Variants in CPAMD8 observed in about 807,000 individuals in gnomAD.
CPAMD8 encodes C3 and PZP-like alpha-2-macroglobulin domain-containing protein 8.
A neutral mutation model predicts 224.7 loss-of-function variants in CPAMD8; 146 were observed. The ratio of observed to expected loss-of-function variants is 0.65; its 90% CI spans 0.57 to 0.75. CPAMD8 has a LOEUF of 0.75. CPAMD8 is among the 30% of genes least tolerant of loss of function. The pLI is 0.00. For synonymous variants in CPAMD8, 966 were observed against 1,044.6 expected, an observed-to-expected ratio of 0.92 and a Z score of 1.45; for missense variants, 2,301 against 2,537.5, an observed-to-expected ratio of 0.91 and a Z score of 2.00.
rs757302875 is a variant in CPAMD8, at chr19:16,989,759, C to G, written c.1279G>C (p.Ala427Pro). Residue 427 changes from alanine to proline, a missense_variant, in exon 13 of 42, where the codon GCA becomes CCA. Transcript: ENST00000443236. ...GCCCCCACAGGCTTCCCGTTCAGTG[C>G]CATCACCTTGGTCTGAGAAGAGAAG... ...QHVWLETKVM[A>P]LNGKPVGAQY... The G allele has an allele frequency of 6.2e-7, 1 of 1,613,934 alleles. No individual in the cohort carries two copies. The highest frequency in any genetic ancestry group is 1.7e-5 in the Admixed American group (1 of 59,996).
chr19:17,022,913 C>G (rs1444284420), intron 1 of CPAMD8, among the ~76,000 whole-genome samples: 3 of 152,094 alleles, frequency 2.0e-5, no homozygotes, highest in South Asian at 2.1e-4. Flanking sequence ...CGTCCCCCAC[C>G]ACCGTGAGAA....
Position 16,980,616 on chromosome 19 carries a change from G to A in CPAMD8, c.1466C>T (p.Ala489Val). 1 of 1,609,176 alleles carries A rather than the reference G, an allele frequency of 6.2e-7. No homozygotes were observed. The highest frequency in any genetic ancestry group is 1.1e-5 in the South Asian group (1 of 90,460). Residue 489 changes from alanine to valine, a missense_variant, in exon 14 of 42, where the codon GCT (alanine) becomes GTT (valine). By Grantham distance (64) the Ala-to-Val change is moderately conservative (BLOSUM62 0). This residue lies in a region of CPAMD8 where 301 missense variants were observed against 406.6 expected (regional missense o/e 0.74). Coordinates refer to ENST00000443236, the MANE Select transcript of CPAMD8 (RefSeq NM_015692.5). Reference sequence around the variant, plus strand: ...CGATAGCACAATATTGCCCCGTGCAGCCACCTCGTAGTACAGGGTAAAGTT... The same window carrying A: ...CGATAGCACAATATTGCCCCGTGCAACCACCTCGTAGTACAGGGTAAAGTT... ...PCNFTLYYEV[A>V]ARGNIVLSGQ...
chr19:17,007,623 CTGTT>C (rs2056529408), intron 7 of CPAMD8, among the ~76,000 whole-genome samples: 1 of 151,966 alleles, frequency 6.6e-6, no homozygotes. Flanking sequence ...TGTGGCTCTA[CTGTT>C]ACCCCATTTC....
chr19:17,003,302 G>A (rs973083994), intron 8 of CPAMD8, among the ~76,000 whole-genome samples: 1 of 151,952 alleles, frequency 6.6e-6, no homozygotes, highest in African/African-American at 2.4e-5. Context: ...CTGGGCTCAA[G>A]CAATCCTCCC....
intron 10 of CPAMD8, among the ~76,000 whole-genome samples, chr19:16,999,597 A>AG (rs139699229): frequency 3.4e-5 from 3 of 88,582 alleles, no homozygotes; most frequent in African/African-American, 1.8e-4. Flanking sequence ...AAAAAAAAAA[A>AG]AAAGAAAAGA....
At chr19:16,922,053 T>C (rs1346530709) in intron 26 of CPAMD8, 67 bp from the exon 27 acceptor site, 1 of 1,085,512 alleles carries the variant, frequency 9.2e-7, no homozygotes, top group South Asian at 1.4e-5. Context: ...CCCAGGGACC[T>C]ACACCACTCT....
chr19:17,019,659 G>A (rs2056901244), intron 3 of CPAMD8, among the ~76,000 whole-genome samples: 1 of 151,742 alleles, frequency 6.6e-6, no homozygotes, highest in Non-Finnish European at 1.5e-5. Flanking sequence ...AGTCTCAAGC[G>A]ATCCTCCTAC....
At chr19:17,002,091 G>T (rs1004809562) in intron 9 of CPAMD8, among the ~76,000 whole-genome samples, 175 bp downstream of exon 9, 3 of 150,656 alleles carry the variant, frequency 2.0e-5, no homozygotes, top group Non-Finnish European at 4.4e-5. Flanking sequence ...CACAGGAAGG[G>T]AGATGCACTA....
At chr19:16,973,187 GA>G (rs2055126432) in intron 17 of CPAMD8, among the ~76,000 whole-genome samples, 2 of 152,016 alleles carry the variant, frequency 1.3e-5, no homozygotes, top group Non-Finnish European at 2.9e-5. Context: ...AAAAATAAGA[GA>G]TTTTTTTGTT....
Position 16,914,700 on chromosome 19 carries a change from CCA to C in CPAMD8, c.3741_3742del (p.Asp1247GlufsTer47). Reference sequence around the variant, plus strand: ...GACCCTGCCCACGGCCAGGAAGGAGCCATCGGCCTGCTGCTGCTGGATGATCC... The same window carrying C: ...GACCCTGCCCACGGCCAGGAAGGAGCTCGGCCTGCTGCTGCTGGATGATCC... On this transcript the variant is annotated frameshift_variant, in exon 28 of 42. Coordinates refer to ENST00000443236, the MANE Select transcript of CPAMD8 (RefSeq NM_015692.5). LOFTEE classifies it high-confidence loss of function. 6.2e-7 allele frequency: 1 copy of C among 1,614,134 alleles called. No homozygotes were observed. The highest frequency in any genetic ancestry group is 8.5e-7 in the Non-Finnish European group (1 of 1,179,984).
At chr19:16,990,248 G>A (rs746951808) in intron 12 of CPAMD8, among the ~76,000 whole-genome samples, 11 of 151,176 alleles carry the variant, frequency 7.3e-5, no homozygotes, top group Non-Finnish European at 1.5e-4. Flanking sequence ...GCAAGACTCT[G>A]ACTCAAAAAA....
intron 32 of CPAMD8, 50 bp downstream of exon 32, chr19:16,904,176 A>AGGCCCCCC: frequency 1.7e-5 from 16 of 937,330 alleles, no homozygotes; most frequent in Non-Finnish European, 2.7e-5. Flanking sequence ...GACTGCAGGG[A>AGGCCCCCC]CCCCACCCAC....
chr19:16,929,323 C>T (rs2053477046), intron 23 of CPAMD8, 83 bp from the exon 24 acceptor site: 1 of 1,166,114 alleles, frequency 8.6e-7, no homozygotes, highest in East Asian at 2.4e-5. Context: ...AGGTGAGCAC[C>T]AGGACCACAA....
rs1316383397 is a variant in CPAMD8 at position 16,899,612 on chromosome 19, G to A, written c.4774-63C>T. On this transcript the variant is annotated intron_variant, in intron 36 of 41. Transcript: ENST00000443236. The surrounding 1 kb of genome is among the most constrained non-coding windows in gnomAD (Gnocchi z 5.4). ...CTACTTGCTTCCTCTCCCATCCCCT[G>A]GGGGCAGTGGTCAGTGGGATGCTTG... The A allele has an allele frequency of 1.2e-6, 1 of 823,122 alleles. No individual in the cohort carries two copies. Among genetic ancestry groups the A allele is most frequent in the African/African-American group, 1.7e-5 (1 of 59,976 alleles). 51.0% of individuals were successfully genotyped at this position (823,122 alleles called of 1,614,324 possible). A position where few individuals can be genotyped will look rare whatever the true frequency, so the allele number is the denominator to read the frequency against.
At chr19:17,017,425 T>C (rs1437224165) in intron 3 of CPAMD8, among the ~76,000 whole-genome samples, 1 of 152,188 alleles carries the variant, frequency 6.6e-6, no homozygotes, top group Non-Finnish European at 1.5e-5. Context: ...TGGAAAAAAC[T>C]GTCTTCCATG....
rs745916640 is a variant in CPAMD8 at position 16,984,686 on chromosome 19, C to T, written c.1396-4000G>A. Among the ~76,000 whole-genome samples the T allele has an allele frequency of 4.6e-4, 70 of 152,252 alleles. 1 individual carries two copies. In the Middle Eastern group the frequency reaches 0.014, roughly 30 times the overall value. On this transcript the variant is annotated intron_variant, in intron 13 of 41. Transcript: ENST00000443236. ...ATCCAGAATTTAGAAAGAACTTTCA[C>T]GACTCAACAAAGATAAACAACCCAA... is the stretch of plus-strand genomic sequence containing the variant.
intron 20 of CPAMD8, among the ~76,000 whole-genome samples, chr19:16,950,020 A>G (rs60558449): frequency 0.24 from 36,817 of 152,144 alleles, 4,623 homozygotes; most frequent in African/African-American, 0.28. Flanking sequence ...GAAGGTGGCC[A>G]GGCGTGGTGG....
Position 17,026,721 on chromosome 19 carries a change from C to T in CPAMD8, c.-79G>A, listed in dbSNP as rs1270350764. 10 of 1,223,080 alleles carry T rather than the reference C, an allele frequency of 8.2e-6. No homozygotes were observed. The highest frequency in any genetic ancestry group is 4.3e-5 in the Admixed American group (1 of 23,066). The allele number at this position is 1,223,080 out of a possible 1,614,324, so 75.8% of individuals were successfully genotyped here. A position where few individuals can be genotyped will look rare whatever the true frequency, so the allele number is the denominator to read the frequency against. ...GCCAGGGCCAGGGTCCGAGCGCGGC[C>T]GTCCTCGCGCCGCCGCCGGGGGCCC... On this transcript the variant is annotated 5_prime_UTR_variant, in exon 1 of 42. Transcript: ENST00000443236.
chr19:16,896,204 G>A lies in CPAMD8; in HGVS notation c.5398C>T (p.Pro1800Ser), dbSNP rs1175960893. The change falls in exon 41 of 42, where the codon CCT becomes TCT. Residue 1800 changes from proline (P) to serine (S), a missense_variant. This residue lies in a region of CPAMD8 where 1,709 missense variants were observed against 1,753.2 expected (regional missense o/e 0.97). Transcript: ENST00000443236. ...GAGLEVEDSDPEPEGEAEDRV... is the reference protein window; with the variant it reads ...GAGLEVEDSDSEPEGEAEDRV... ...TCCTCCGCCTCCCCTTCAGGCTCAG[G>A]GTCTGAGTCCTCCACCTCAAGGCCG... The A allele has an allele frequency of 6.2e-7, 1 of 1,613,844 alleles. No individual in the cohort carries two copies. The highest frequency in any genetic ancestry group is 1.3e-5 in the African/African-American group (1 of 75,012).
Sources: allele counts gnomAD v4.1 joint callset (sites outside exome capture counted in the v4.1 genomes callset), GRCh38; gene constraint gnomAD v4.1.1; regional missense constraint gnomAD v4.1.1; non-coding constraint Gnocchi (gnomAD v3.1); transcripts MANE v1.5; gene names NCBI Gene and HGNC (gene_info 2026-07-23, HGNC 2026-07-21).